GLRA3: variants seen among roughly 807,000 people sequenced by gnomAD.
GLRA3 encodes glycine receptor alpha 3, also known as glycine receptor subunit alpha-3.
GLRA3 carries 44 observed loss-of-function variants against 60.4 expected under a neutral mutation model. The ratio of observed to expected loss-of-function variants is 0.73; its 90% CI spans 0.57 to 0.94. The LOEUF (loss-of-function observed/expected upper bound fraction) is 0.94. GLRA3 is among the 40% of genes least tolerant of loss of function. GLRA3 has a pLI of 0.00. For synonymous variants in GLRA3, 223 were observed against 192.9 expected, an observed-to-expected ratio of 1.16 and a Z score of -1.29; for missense variants, 508 against 564.6, an observed-to-expected ratio of 0.90 and a Z score of 1.02.
intron 4 of GLRA3, among the ~76,000 whole-genome samples, chr4:174,716,297 T>C (rs939700804): frequency 3.3e-5 from 5 of 152,212 alleles, no homozygotes; most frequent in Non-Finnish European, 7.3e-5. Context: ...AACTTCTGAT[T>C]TGGCTTCACA....
chr4:174,800,103 G>A (rs1206937141), intron 1 of GLRA3, among the ~76,000 whole-genome samples: 1 of 151,926 alleles, frequency 6.6e-6, no homozygotes, highest in Non-Finnish European at 1.5e-5. Context: ...AGCAGATTAG[G>A]CATAGCTAAA....
rs116612735 is a variant in GLRA3 at position 174,729,031 on chromosome 4, C to T, written c.268-333G>A. Among the ~76,000 whole-genome samples the T allele has an allele frequency of 1.8e-3, 279 of 152,282 alleles. 1 individual carries two copies. Among genetic ancestry groups the T allele is most frequent in the African/African-American group, 6.4e-3 (266 of 41,554 alleles). On this transcript the variant is annotated intron_variant, in intron 3 of 9. Coordinates refer to ENST00000274093, the MANE Select transcript of GLRA3 (RefSeq NM_006529.4). ...TGGCATCCTCGGGTACTCCCATCCC[C>T]CAGGATCCTCACTGATTACCACGTA...
At chr4:174,700,786 T>C (rs1404620581) in intron 5 of GLRA3, among the ~76,000 whole-genome samples, 1 of 152,150 alleles carries the variant, frequency 6.6e-6, no homozygotes, top group Non-Finnish European at 1.5e-5. Context: ...TCTGCATAGA[T>C]CAAACCAGCA....
In GLRA3 at chr4:174,659,096, T is replaced by C; in HGVS notation, c.1029A>G (p.Gln343=). The part of the protein sequence containing the change: ...EYAAVNFVSR[Q]HKELLRFRRK... ...GTCGAAATCTCAGAAGTTCTTTGTGTTGTCTTGATACAAAATTTACAGCTG... is the reference window on the plus strand; with the variant it reads ...GTCGAAATCTCAGAAGTTCTTTGTGCTGTCTTGATACAAAATTTACAGCTG... Residue 343 remains glutamine, a synonymous_variant, in exon 8 of 10, where the codon CAA becomes CAG. Coordinates refer to ENST00000274093, the MANE Select transcript of GLRA3 (RefSeq NM_006529.4). 6.2e-7 allele frequency: 1 copy of C among 1,613,236 alleles called. No homozygotes were observed. Among genetic ancestry groups the C allele is most frequent in the Non-Finnish European group, 8.5e-7 (1 of 1,179,410 alleles).
chr4:174,671,751 G>A (rs1047646149), intron 7 of GLRA3, among the ~76,000 whole-genome samples: 11 of 152,112 alleles, frequency 7.2e-5, no homozygotes, highest in Non-Finnish European at 8.8e-5. Context: ...CCGGGTTTAA[G>A]TGATTCTGGT....
chr4:174,694,460 C>T (rs1298073284), intron 5 of GLRA3, among the ~76,000 whole-genome samples: 2 of 152,048 alleles, frequency 1.3e-5, no homozygotes, highest in Admixed American at 6.5e-5. Flanking sequence ...AAACACATGA[C>T]AGTTAAACAA....
intron 1 of GLRA3, among the ~76,000 whole-genome samples, chr4:174,795,292 C>T (rs1190739535): frequency 6.6e-6 from 1 of 151,910 alleles, no homozygotes; most frequent in East Asian, 1.9e-4. Flanking sequence ...AAATTATCTG[C>T]TTTCTCTGAA....
intron 4 of GLRA3, among the ~76,000 whole-genome samples, chr4:174,719,164 C>T (rs929034885): frequency 6.6e-6 from 1 of 151,268 alleles, no homozygotes. Flanking sequence ...GGGGTTTCAC[C>T]GTGTTAGCCA....
At chr4:174,654,064 G>T (rs111383053) in intron 9 of GLRA3, among the ~76,000 whole-genome samples, 4,956 of 152,116 alleles carry the variant, frequency 0.033, 141 homozygotes, top group Non-Finnish European at 0.049. Context: ...TTTTCTTCGG[G>T]TATGCATGAA....
At chr4:174,659,556 T>A (rs1272484657) in intron 7 of GLRA3, among the ~76,000 whole-genome samples, 1 of 152,152 alleles carries the variant, frequency 6.6e-6, no homozygotes, top group Non-Finnish European at 1.5e-5. Flanking sequence ...TTTAAAAAAA[T>A]TAAAATTGTA....
At chr4:174,742,316 T>C (rs1325253208) in intron 3 of GLRA3, among the ~76,000 whole-genome samples, 3 of 152,086 alleles carry the variant, frequency 2.0e-5, no homozygotes, top group Non-Finnish European at 4.4e-5. Flanking sequence ...GAAACATAAT[T>C]TGAAGAGTAG....
intron 1 of GLRA3, among the ~76,000 whole-genome samples, chr4:174,823,000 T>G (rs900991189): frequency 2.6e-5 from 4 of 152,202 alleles, no homozygotes; most frequent in African/African-American, 7.2e-5. Context: ...GATTTAAAAC[T>G]CCATTTATTG....
chr4:174,748,694 G>C (rs1024637182), intron 3 of GLRA3, among the ~76,000 whole-genome samples: 1 of 152,108 alleles, frequency 6.6e-6, no homozygotes. Flanking sequence ...GTTGCTAAAA[G>C]GTTTCTTGTG....
intron 3 of GLRA3, among the ~76,000 whole-genome samples, chr4:174,754,654 T>G (rs1182284079): frequency 6.6e-6 from 1 of 152,096 alleles, no homozygotes; most frequent in Non-Finnish European, 1.5e-5. Flanking sequence ...CCCATTGGCA[T>G]TAGATAAAAA....
chr4:174,718,595 GACTC>G (rs1441979498), intron 4 of GLRA3, among the ~76,000 whole-genome samples: 1 of 152,102 alleles, frequency 6.6e-6, no homozygotes, highest in Non-Finnish European at 1.5e-5. Context: ...AATGTTTGCT[GACTC>G]TATTATAGAC....
chr4:174,792,510 T>G (rs116027065), intron 1 of GLRA3, among the ~76,000 whole-genome samples: 1 of 152,080 alleles, frequency 6.6e-6, no homozygotes. Context: ...GACTTCAACA[T>G]AGGAGTGTTG....
At chr4:174,659,696 G>C (rs1365194844) in intron 7 of GLRA3, among the ~76,000 whole-genome samples, 1 of 152,070 alleles carries the variant, frequency 6.6e-6, no homozygotes. Flanking sequence ...AAGAGGTCAG[G>C]CTCAGTGGCT....
chr4:174,643,387 ATT>A lies in GLRA3; in HGVS notation c.*397_*398del. On this transcript the variant is annotated 3_prime_UTR_variant, in exon 10 of 10. Transcript: ENST00000274093. ...AGAAAATAGTTTTAAATCTCAAACT[ATT>A]GGTTTACTGTGCAAAATTTGCTTTT... The A allele has an allele frequency of 3.1e-6, 1 of 326,720 alleles. No homozygotes were observed. Among genetic ancestry groups the A allele is most frequent in the Non-Finnish European group, 3.4e-6 (1 of 293,824 alleles). 20.2% of individuals were successfully genotyped at this position (326,720 alleles called of 1,614,324 possible).
chr4:174,673,777 A>C (rs1396805636), intron 7 of GLRA3, among the ~76,000 whole-genome samples: 2 of 152,086 alleles, frequency 1.3e-5, no homozygotes, highest in Non-Finnish European at 2.9e-5. Flanking sequence ...TGACAATTCC[A>C]TGTGATTGTC....
Sources: gnomAD v4.1 joint callset for allele counts (sites outside exome capture counted in the v4.1 genomes callset) on GRCh38, gnomAD v4.1.1 for gene constraint, MANE v1.5 for transcripts, NCBI Gene and HGNC (gene_info 2026-07-23, HGNC 2026-07-21) for gene names.